ABI3BP: variants seen among roughly 807,000 people sequenced by gnomAD.
The protein encoded by ABI3BP is ABI family member 3 binding protein, also known as target of Nesh-SH3.
Under a neutral mutation model 268.6 loss-of-function variants are expected in ABI3BP, and 216 were observed. The observed-to-expected ratio is 0.80, with a 90% CI of 0.72 to 0.90. ABI3BP has a LOEUF of 0.90. ABI3BP is among the 40% of genes least tolerant of loss of function. ABI3BP has a pLI of 0.00. For missense variants in ABI3BP, 2,090 were observed against 2,182.4 expected (o/e 0.96, Z 0.84); for synonymous variants, 730 against 730.0 (o/e 1.00, Z 0.00).
intron 1 of ABI3BP, among the ~76,000 whole-genome samples, chr3:100,966,084 G>A (rs368130681): frequency 2.0e-5 from 3 of 152,264 alleles, no homozygotes; most frequent in South Asian, 2.1e-4. Flanking sequence ...AAGCACGATC[G>A]ACTTCATAAG....
At chr3:100,789,326 C>G in intron 56 of ABI3BP, 128 bp downstream of exon 56, 1 of 814,014 alleles carries the variant, frequency 1.2e-6, no homozygotes, top group Non-Finnish European at 1.9e-6. Context: ...CTTATCCACA[C>G]AGATCAGAGT....
intron 1 of ABI3BP, among the ~76,000 whole-genome samples, chr3:100,959,619 A>G (rs2078224974): frequency 6.6e-6 from 1 of 152,064 alleles, no homozygotes; most frequent in Non-Finnish European, 1.5e-5. Context: ...CCAGGGGAGC[A>G]TTTAAAGGTT....
intron 1 of ABI3BP, among the ~76,000 whole-genome samples, chr3:100,982,438 C>A (rs1168774258): frequency 6.6e-6 from 1 of 151,754 alleles, no homozygotes; most frequent in Non-Finnish European, 1.5e-5. Context: ...TTATTATTTC[C>A]TTTTGTTAGA....
intron 57 of ABI3BP, among the ~76,000 whole-genome samples, chr3:100,783,872 G>T (rs1193311380): frequency 6.6e-6 from 1 of 152,222 alleles, no homozygotes; most frequent in Non-Finnish European, 1.5e-5. Flanking sequence ...ACAATCCCTT[G>T]GCCTGGTGTG....
At chr3:100,875,610 G>A in intron 7 of ABI3BP, 31 bp from the exon 8 acceptor site, 1 of 1,527,940 alleles carries the variant, frequency 6.5e-7, no homozygotes, top group Non-Finnish European at 9.1e-7. Context: ...AGTGTGAGGG[G>A]GTGGGAAATA....
At chr3:100,754,400 G>C (rs765724421) in intron 64 of ABI3BP, among the ~76,000 whole-genome samples, 1 of 152,150 alleles carries the variant, frequency 6.6e-6, no homozygotes, top group Non-Finnish European at 1.5e-5. Flanking sequence ...GATTCATTAT[G>C]CTTTTTAAAT....
rs71299382 is a variant in ABI3BP at position 100,954,975 on chromosome 3, CTT to C, written c.80-28496_80-28495del. On this transcript the variant is annotated intron_variant, in intron 1 of 67. Coordinates refer to ENST00000471714, the MANE Select transcript of ABI3BP (RefSeq NM_001375547.2). The stretch of plus-strand genomic sequence containing the variant: ...ATCCCTTTAATGTTTTAAATTTTGT[CTT>C]TTTTTTTTTTTTTTTTTTTTTTTAC... Among the ~76,000 whole-genome samples, 618 of 94,734 alleles carry C rather than the reference CTT, an allele frequency of 6.5e-3. 10 individuals are homozygous for C. Among genetic ancestry groups the C allele is most frequent in the Admixed American group, 0.038 (292 of 7,658 alleles). The allele number at this position is 94,734 out of a possible 152,430, so 62.1% of individuals were successfully genotyped here.
At chr3:100,765,248 T>A (rs376811029) in intron 63 of ABI3BP, among the ~76,000 whole-genome samples, 2 of 152,168 alleles carry the variant, frequency 1.3e-5, no homozygotes, top group African/African-American at 4.8e-5. Flanking sequence ...TACAGCAATA[T>A]GAACAACCTG....
intron 1 of ABI3BP, among the ~76,000 whole-genome samples, chr3:100,983,195 G>C (rs1427924291): frequency 2.6e-5 from 4 of 152,214 alleles, no homozygotes; most frequent in Non-Finnish European, 4.4e-5. Context: ...CAGAGTCTTA[G>C]CAAGGTTTCA....
At chr3:100,780,575 A>T (rs914219871) in intron 57 of ABI3BP, among the ~76,000 whole-genome samples, 11 of 151,868 alleles carry the variant, frequency 7.2e-5, no homozygotes, top group Admixed American at 2.0e-4. Context: ...TTCAAAAAAA[A>T]TTTTTTTCTT....
rs115098624 is a variant in ABI3BP, at chr3:100,949,148, A to G, written c.80-22667T>C. The stretch of plus-strand genomic sequence containing the variant: ...ATTTTTAATGACACTACTGTCTTTC[A>G]ATTAATTCATTGGGAATTTTCTTTG... On this transcript the variant is annotated intron_variant, in intron 1 of 67. Transcript: ENST00000471714. Among the ~76,000 whole-genome samples, 359 of 152,256 alleles carry G rather than the reference A, an allele frequency of 2.4e-3. 1 individual carries two copies. Among genetic ancestry groups the G allele is most frequent in the African/African-American group, 8.1e-3 (335 of 41,538 alleles).
chr3:100,991,374 T>C (rs2092888837), intron 1 of ABI3BP, among the ~76,000 whole-genome samples: 6 of 152,178 alleles, frequency 3.9e-5, no homozygotes, highest in Admixed American at 3.9e-4. Flanking sequence ...ATATTATAGA[T>C]CTTCTATGGA....
chr3:100,889,020 T>C (rs964162918), intron 4 of ABI3BP, among the ~76,000 whole-genome samples: 6 of 152,156 alleles, frequency 3.9e-5, no homozygotes, highest in South Asian at 2.1e-4. Context: ...GACTATAATA[T>C]CTCTAAGTAA....
At chr3:100,905,464 C>T (rs1169703748) in intron 2 of ABI3BP, among the ~76,000 whole-genome samples, 2 of 151,590 alleles carry the variant, frequency 1.3e-5, no homozygotes, top group Non-Finnish European at 1.5e-5. Context: ...TCCTTTCTTA[C>T]TCATGTATTA....
intron 4 of ABI3BP, among the ~76,000 whole-genome samples, chr3:100,897,272 C>T (rs1289897356): frequency 6.6e-6 from 1 of 151,898 alleles, no homozygotes; most frequent in Admixed American, 6.6e-5. Flanking sequence ...AAAAATTAGG[C>T]AAAAAATAAT....
intron 57 of ABI3BP, among the ~76,000 whole-genome samples, chr3:100,780,496 C>T (rs1185505547): frequency 6.6e-6 from 1 of 152,014 alleles, no homozygotes; most frequent in Admixed American, 6.6e-5. Context: ...GTGGTATTGC[C>T]TCACCAGGTG....
intron 1 of ABI3BP, among the ~76,000 whole-genome samples, chr3:100,976,164 T>C (rs1169622893): frequency 6.6e-6 from 1 of 152,146 alleles, no homozygotes; most frequent in African/African-American, 2.4e-5. Flanking sequence ...AAAATGTCTT[T>C]AATGTTGTGA....
intron 40 of ABI3BP, among the ~76,000 whole-genome samples, chr3:100,819,592 A>G (rs1385254548): frequency 1.3e-5 from 2 of 152,130 alleles, no homozygotes; most frequent in East Asian, 3.9e-4. Flanking sequence ...TTTTCTAGAA[A>G]TAAAAATGCC....
chr3:100,774,711 T>TA (rs781377784), intron 60 of ABI3BP, 38 bp from the exon 61 acceptor site: 1 of 1,434,282 alleles, frequency 7.0e-7, no homozygotes, highest in African/African-American at 1.4e-5. Context: ...TGGCAAAAGA[T>TA]AAAAAAGCTT....
Sources: allele counts gnomAD v4.1 joint callset (sites outside exome capture counted in the v4.1 genomes callset), GRCh38; gene constraint gnomAD v4.1.1; transcripts MANE v1.5; gene names NCBI Gene and HGNC (gene_info 2026-07-23, HGNC 2026-07-21).